COG5: variants seen among roughly 807,000 people sequenced by gnomAD.
COG5 encodes the protein component of oligomeric golgi complex 5, also known as conserved oligomeric Golgi complex subunit 5.
COG5 carries 86 observed loss-of-function variants against 110.4 expected under a neutral mutation model. The ratio of observed to expected loss-of-function variants is 0.78; its 90% CI spans 0.65 to 0.93. The LOEUF is 0.93. Ranked by LOEUF, COG5 falls within the 40% of genes least tolerant of loss-of-function variation. The pLI, the probability that COG5 is intolerant of heterozygous loss-of-function variation, is 0.00. For synonymous variants in COG5, 360 were observed against 334.6 expected (o/e 1.08, Z -0.83); for missense variants, 1,077 against 987.0 (o/e 1.09, Z -1.22).
At chr7:107,557,616 T>G (rs924242892) in intron 2 of COG5, among the ~76,000 whole-genome samples, 3 of 152,242 alleles carry the variant, frequency 2.0e-5, no homozygotes, top group Non-Finnish European at 2.9e-5. Context: ...GCTAATAAAG[T>G]ATGAATTGCG....
intron 6 of COG5, among the ~76,000 whole-genome samples, chr7:107,440,723 T>C (rs1794655859): frequency 6.6e-6 from 1 of 152,224 alleles, no homozygotes; most frequent in Middle Eastern, 3.4e-3. Context: ...GGAACCTCCA[T>C]AAAAACCCCT....
At chr7:107,515,790 A>G (rs1799877197) in intron 6 of COG5, among the ~76,000 whole-genome samples, 2 of 152,230 alleles carry the variant, frequency 1.3e-5, no homozygotes, top group African/African-American at 4.8e-5. Context: ...CCTCTTTAGA[A>G]CAAGTCAGGC....
chr7:107,427,873 C>T (rs1793755407), intron 6 of COG5, among the ~76,000 whole-genome samples: 1 of 152,098 alleles, frequency 6.6e-6, no homozygotes, highest in South Asian at 2.1e-4. Flanking sequence ...TGTTATTAAG[C>T]AACAGGACAG....
chr7:107,351,936 T>C (rs1812178893), intron 10 of COG5, among the ~76,000 whole-genome samples: 1 of 147,448 alleles, frequency 6.8e-6, no homozygotes, highest in African/African-American at 2.4e-5. Context: ...AGAAATACCA[T>C]TTGACCCAGC....
At chr7:107,328,825 A>T (rs927691130) in intron 10 of COG5, among the ~76,000 whole-genome samples, 2 of 151,966 alleles carry the variant, frequency 1.3e-5, no homozygotes, top group African/African-American at 2.4e-5. Context: ...TTATGTTTTT[A>T]TTATTATTAT....
chr7:107,339,597 T>TC (rs751996335), intron 10 of COG5, among the ~76,000 whole-genome samples: 3 of 151,960 alleles, frequency 2.0e-5, no homozygotes, highest in Non-Finnish European at 4.4e-5. Flanking sequence ...CAGAACAAAC[T>TC]CCAAGATTCA....
At chr7:107,473,447 T>C (rs972496720) in intron 6 of COG5, among the ~76,000 whole-genome samples, 1 of 151,976 alleles carries the variant, frequency 6.6e-6, no homozygotes, top group Non-Finnish European at 1.5e-5. Context: ...GGCCTATTTC[T>C]GTGGGAAATA....
chr7:107,299,872 G>GAA (rs1361520050), intron 11 of COG5, among the ~76,000 whole-genome samples: 1 of 75,854 alleles, frequency 1.3e-5, no homozygotes, highest in African/African-American at 3.9e-5. Context: ...GAATTATCTG[G>GAA]AATATATATA....
chr7:107,537,524 G>A (rs1363789814), intron 5 of COG5, among the ~76,000 whole-genome samples: 2 of 152,080 alleles, frequency 1.3e-5, no homozygotes, highest in Non-Finnish European at 2.9e-5. Flanking sequence ...TCACTCATCA[G>A]TGGGAGCTGA....
At chr7:107,327,172 G>A (rs1386148651) in intron 10 of COG5, among the ~76,000 whole-genome samples, 1 of 152,058 alleles carries the variant, frequency 6.6e-6, no homozygotes, top group Non-Finnish European at 1.5e-5. Flanking sequence ...TTGAACAAGG[G>A]TGCCAAGGCT....
At chr7:107,370,568 C>G (rs1814050031) in intron 8 of COG5, among the ~76,000 whole-genome samples, 1 of 151,554 alleles carries the variant, frequency 6.6e-6, no homozygotes, top group Non-Finnish European at 1.5e-5. Context: ...GGCGGATCAC[C>G]TGAGGTCAGG....
intron 7 of COG5, among the ~76,000 whole-genome samples, chr7:107,405,137 T>C (rs1791736574): frequency 1.3e-5 from 2 of 152,230 alleles, no homozygotes; most frequent in South Asian, 4.1e-4. Flanking sequence ...CATGATTCTA[T>C]TACTTGCCAG....
intron 10 of COG5, among the ~76,000 whole-genome samples, chr7:107,357,396 A>G (rs1812721957): frequency 6.6e-6 from 1 of 152,182 alleles, no homozygotes; most frequent in Non-Finnish European, 1.5e-5. Flanking sequence ...CCAAGAGACT[A>G]AATTTTTTCA....
chr7:107,310,057 T>C (rs539337951), intron 11 of COG5, among the ~76,000 whole-genome samples: 6 of 152,326 alleles, frequency 3.9e-5, no homozygotes, highest in African/African-American at 1.2e-4. Context: ...AACTTAACAA[T>C]CTTGACCTCT....
intron 8 of COG5, among the ~76,000 whole-genome samples, chr7:107,365,795 C>T (rs1813561932): frequency 6.6e-6 from 1 of 151,914 alleles, no homozygotes; most frequent in Non-Finnish European, 1.5e-5. Flanking sequence ...CCATACTAAG[C>T]TTCTGAATGA....
chr7:107,352,504 TAAAAAAAAAAC>T (rs1489448109), intron 10 of COG5, among the ~76,000 whole-genome samples: 1 of 130,228 alleles, frequency 7.7e-6, no homozygotes, highest in Non-Finnish European at 1.7e-5. Flanking sequence ...AAGGTAATTG[TAAAAAAAAAAC>T]AAAAAAAAAA....
rs1302971089 is a variant in COG5 at position 107,527,283 on chromosome 7, C to T, written c.492G>A (p.Gly164=). The part of the protein sequence containing the change: ...LSKRLQGQLQ[G]GSREITKAAQ... Reference sequence around the variant, plus strand: ...CAGCTTTTGTTATCTCTCTACTTCCCCCTTGCAGTTGTCCTTGGAGTCTCT... The same window carrying T: ...CAGCTTTTGTTATCTCTCTACTTCCTCCTTGCAGTTGTCCTTGGAGTCTCT... Residue 164 remains glycine (G), a synonymous_variant, in exon 6 of 22, where the codon GGG becomes GGA. Coordinates refer to ENST00000297135, the MANE Select transcript of COG5 (RefSeq NM_006348.5). The T allele has an allele frequency of 1.2e-6, 2 of 1,611,254 alleles. No homozygotes were observed. Among genetic ancestry groups the T allele is most frequent in the Non-Finnish European group, 8.5e-7 (1 of 1,178,636 alleles).
At chr7:107,395,008 T>G (rs1407015692) in intron 7 of COG5, among the ~76,000 whole-genome samples, 2 of 152,212 alleles carry the variant, frequency 1.3e-5, no homozygotes, top group Non-Finnish European at 2.9e-5. Flanking sequence ...GCTGTTATAG[T>G]CATGAAATTC....
At chr7:107,520,990 C>A (rs749194420) in intron 6 of COG5, among the ~76,000 whole-genome samples, 1 of 152,140 alleles carries the variant, frequency 6.6e-6, no homozygotes, top group Non-Finnish European at 1.5e-5. Flanking sequence ...AATAACACTA[C>A]ACATGTACAA....
Sources: allele counts gnomAD v4.1 joint callset (sites outside exome capture counted in the v4.1 genomes callset), GRCh38; gene constraint gnomAD v4.1.1; transcripts MANE v1.5; gene names NCBI Gene and HGNC (gene_info 2026-07-23, HGNC 2026-07-21).